The following SH3PXD2A variants were observed in gnomAD, a reference collection of about 807,000 sequenced individuals.
The protein encoded by SH3PXD2A is SH3 and PX domains 2A, also known as SH3 and PX domain-containing protein 2A.
A neutral mutation model predicts 115.2 loss-of-function variants in SH3PXD2A; 32 were observed. The ratio of observed to expected loss-of-function variants is 0.28; its 90% confidence interval spans 0.21 to 0.37. SH3PXD2A has a LOEUF of 0.37. Among genes scored for constraint, SH3PXD2A ranks in the 10% least tolerant of loss-of-function variants. The probability of loss-of-function intolerance (pLI) is 1.00; values close to 1 mark genes in which losing one functional copy is unlikely to be tolerated. For missense variants in SH3PXD2A, 1,328 were observed against 1,498.7 expected (o/e 0.89, Z 1.88); for synonymous variants, 610 against 629.1 (o/e 0.97, Z 0.45).
At chr10:103,842,624 T>C (rs577426156) in intron 1 of SH3PXD2A, among the ~76,000 whole-genome samples, 1 of 152,358 alleles carries the variant, frequency 6.6e-6, no homozygotes, top group South Asian at 2.1e-4. Flanking sequence ...CTCTCACCTA[T>C]GAGTGAGGAC....
At chr10:103,687,733 G>C (rs1326600166) in intron 6 of SH3PXD2A, among the ~76,000 whole-genome samples, 1 of 152,164 alleles carries the variant, frequency 6.6e-6, no homozygotes, top group African/African-American at 2.4e-5. Context: ...CTCGATGAAA[G>C]TCAAAATCCT....
At chr10:103,652,737 C>T (rs927799415) in intron 8 of SH3PXD2A, among the ~76,000 whole-genome samples, 1 of 152,124 alleles carries the variant, frequency 6.6e-6, no homozygotes, top group South Asian at 2.1e-4. Flanking sequence ...CCTGTCATTT[C>T]CACTGAGGAC....
chr10:103,813,842 C>G (rs1179587450), intron 1 of SH3PXD2A, among the ~76,000 whole-genome samples: 1 of 152,026 alleles, frequency 6.6e-6, no homozygotes, highest in Non-Finnish European at 1.5e-5. Context: ...ATTACAATCA[C>G]CTGGGGTGCC....
intron 8 of SH3PXD2A, among the ~76,000 whole-genome samples, chr10:103,643,587 T>C (rs886376461): frequency 2.6e-5 from 4 of 152,158 alleles, no homozygotes; most frequent in African/African-American, 9.7e-5. Flanking sequence ...GATTTGCTCT[T>C]GGTCAAACAA....
intron 4 of SH3PXD2A, 92 bp downstream of exon 4, chr10:103,735,640 C>A (rs1042019003): frequency 9.7e-7 from 1 of 1,030,974 alleles, no homozygotes; most frequent in East Asian, 2.4e-5. Flanking sequence ...GTACAGCAAC[C>A]TTTCCTCACA....
intron 2 of SH3PXD2A, among the ~76,000 whole-genome samples, chr10:103,768,002 G>T (rs916738185): frequency 6.6e-6 from 1 of 152,138 alleles, no homozygotes; most frequent in Non-Finnish European, 1.5e-5. Flanking sequence ...GCAAGGAATG[G>T]AGCCTCTCAA....
At chr10:103,661,847 A>G (rs2037310087) in intron 7 of SH3PXD2A, 2 of 984,944 alleles carry the variant, frequency 2.0e-6, no homozygotes, top group Non-Finnish European at 2.4e-6. Context: ...GGAGGCCTAG[A>G]CTGTTTACTT....
At chr10:103,813,460 G>T (rs2039292415) in intron 1 of SH3PXD2A, among the ~76,000 whole-genome samples, 1 of 152,106 alleles carries the variant, frequency 6.6e-6, no homozygotes, top group Non-Finnish European at 1.5e-5. Flanking sequence ...GGGACTATCG[G>T]CATGTGCCAC....
rs2037416423 is a variant in SH3PXD2A, at chr10:103,668,645, C to G, written c.435G>C (p.Leu145=). ...YGSSKRKSVW[L]SSWAESPKKD... is the part of the protein sequence containing the mutation. ...TCTTGGGCGACTCAGCCCAGCTGGA[C>G]AGCCACACTTCCGAGTCCCCGAGAG... Residue 145 remains leucine, a synonymous_variant, in exon 7 of 15, where the codon CTG becomes CTC. Coordinates refer to ENST00000369774, the MANE Select transcript of SH3PXD2A (RefSeq NM_001394015.1). 9 of 1,560,416 alleles carry G rather than the reference C, an allele frequency of 5.8e-6. No homozygotes were observed. In the South Asian group the frequency reaches 1.1e-4, roughly 18 times the overall value.
intron 3 of SH3PXD2A, among the ~76,000 whole-genome samples, chr10:103,740,385 C>T (rs2134190953): frequency 6.6e-6 from 1 of 152,276 alleles, no homozygotes; most frequent in East Asian, 1.9e-4. Flanking sequence ...GGATTTTATT[C>T]TGCATGTGAA....
intron 5 of SH3PXD2A, among the ~76,000 whole-genome samples, chr10:103,714,004 A>C (rs1481757274): frequency 6.6e-6 from 1 of 152,138 alleles, no homozygotes; most frequent in Non-Finnish European, 1.5e-5. Flanking sequence ...CTCCCACAAG[A>C]ATGCAACAGA....
intron 6 of SH3PXD2A, among the ~76,000 whole-genome samples, chr10:103,669,748 G>A (rs995723348): frequency 6.6e-6 from 1 of 152,246 alleles, no homozygotes; most frequent in Non-Finnish European, 1.5e-5. Context: ...AAAAGGCAAC[G>A]CTGAATTGCA....
intron 1 of SH3PXD2A, among the ~76,000 whole-genome samples, chr10:103,820,875 G>A (rs1031425854): frequency 3.9e-5 from 6 of 152,178 alleles, no homozygotes; most frequent in African/African-American, 2.4e-5. Flanking sequence ...TTAACCAAGG[G>A]GTCAGGGCCG....
intron 10 of SH3PXD2A, among the ~76,000 whole-genome samples, chr10:103,618,528 G>A (rs2036554615): frequency 6.6e-6 from 1 of 152,232 alleles, no homozygotes; most frequent in African/African-American, 2.4e-5. Context: ...GGAGGAGGAA[G>A]TGGCAATCTG....
Position 103,602,879 on chromosome 10 carries a change from C to T in SH3PXD2A, c.2339G>A (p.Arg780His), listed in dbSNP as rs746331786. 1.9e-5 allele frequency: 30 copies of T among 1,613,832 alleles called. No individual in the cohort carries two copies. The highest frequency in any genetic ancestry group is 5.0e-5 in the Admixed American group (3 of 60,002). Residue 780 changes from arginine (R) to histidine (H), a missense_variant, in exon 15 of 15, where the codon CGC (arginine) becomes CAC (histidine). Coordinates refer to ENST00000369774, the MANE Select transcript of SH3PXD2A (RefSeq NM_001394015.1). ...QEKMDISTLRRQLRPTGQLRG... is the reference protein window; with the variant it reads ...QEKMDISTLRHQLRPTGQLRG... ...GAGCTGGCCTGTGGGTCTCAGCTGG[C>T]GCCGTAAAGTGCTGATGTCCATCTT... is the stretch of plus-strand genomic sequence containing the variant.
chr10:103,797,659 C>A (rs1241535948), intron 2 of SH3PXD2A, among the ~76,000 whole-genome samples: 1 of 136,134 alleles, frequency 7.3e-6, no homozygotes, highest in Non-Finnish European at 1.5e-5. Context: ...TAGGTCCAGG[C>A]AGGAGCTTTG....
chr10:103,609,373 A>T (rs2036389896), intron 13 of SH3PXD2A: 1 of 152,210 alleles, frequency 6.6e-6, no homozygotes, highest in South Asian at 2.1e-4. Context: ...TGAGTGAGCA[A>T]AGTCTTTGGC....
At position 103,855,399 on chromosome 10, in the gene SH3PXD2A, A is replaced by G; in HGVS notation, c.-133T>C. On this transcript the variant is annotated 5_prime_UTR_variant, in exon 1 of 15. Coordinates refer to ENST00000369774, the MANE Select transcript of SH3PXD2A (RefSeq NM_001394015.1). ...GCCCGGCGCGCCGAACGCTGCCCGGACTCCCGGCGCCCACAGGTCCGGCCC... is the reference window on the plus strand; with the variant it reads ...GCCCGGCGCGCCGAACGCTGCCCGGGCTCCCGGCGCCCACAGGTCCGGCCC... The G allele has an allele frequency of 1.7e-6, 1 of 571,650 alleles. No individual in the cohort carries two copies. The allele number at this position is 571,650 out of a possible 1,614,324, so 35.4% of individuals were successfully genotyped here. A position where few individuals can be genotyped will look rare whatever the true frequency, so the allele number is the denominator to read the frequency against.
chr10:103,709,742 A>C (rs541969658), intron 5 of SH3PXD2A, among the ~76,000 whole-genome samples: 118 of 152,336 alleles, frequency 7.7e-4, no homozygotes, highest in Non-Finnish European at 1.2e-3. Context: ...TCAGTGGCTT[A>C]ATCTGCAAAC....
Sources: gnomAD v4.1 joint callset for allele counts (sites outside exome capture counted in the v4.1 genomes callset) on GRCh38, gnomAD v4.1.1 for gene constraint, MANE v1.5 for transcripts, NCBI Gene and HGNC (gene_info 2026-07-23, HGNC 2026-07-21) for gene names.